The following GPHN variants were observed in gnomAD, a reference collection of about 807,000 sequenced individuals.
GPHN encodes the protein gephyrin.
GPHN carries 17 observed loss-of-function variants against 95.5 expected under a neutral mutation model. That is an observed-to-expected ratio of 0.18 (90% CI 0.12 to 0.27). GPHN has a LOEUF of 0.27. GPHN is among the 10% of genes least tolerant of loss of function. The probability of loss-of-function intolerance (pLI) is 1.00; values close to 1 mark genes in which losing one functional copy is unlikely to be tolerated. For missense variants in GPHN, 660 were observed against 978.1 expected (o/e 0.67, Z 4.34); for synonymous variants, 320 against 322.5 (o/e 0.99, Z 0.08).
Position 66,922,850 on chromosome 14 carries a change from A to G in GPHN, c.641A>G (p.Glu214Gly), listed in dbSNP as rs1474454752. ...GAAGACAAAGGAGTTCAATGTGAGG[A>G]AGAGGAAGAAGAGAAGAAAGACAGT... ...QTEDKGVQCE[E>G]EEEEKKDSGV... Residue 214 changes from glutamate (E) to glycine (G), a missense_variant, in exon 7 of 23, where the codon GAA becomes GGA. Physicochemically the swap from Glu to Gly is moderately conservative, Grantham distance 98 (BLOSUM62 -2). This residue lies in a region of GPHN where 190 missense variants were observed against 224.7 expected (regional missense o/e 0.85). Coordinates refer to ENST00000478722, the MANE Select transcript of GPHN (RefSeq NM_020806.5). 1 of 1,612,900 alleles carries G rather than the reference A, an allele frequency of 6.2e-7. No homozygotes were observed. Among genetic ancestry groups the G allele is most frequent in the Admixed American group, 1.7e-5 (1 of 59,976 alleles).
the GPHN span, chr14:67,729,693 C>G: frequency 1.1e-5 from 6 of 558,892 alleles, no homozygotes; most frequent in East Asian, 2.4e-4. Context: ...TCGTTTTTCT[C>G]CTTCTTTAAG....
At chr14:67,167,650 C>G (rs2082361914) in intron 20 of GPHN, among the ~76,000 whole-genome samples, 1 of 151,958 alleles carries the variant, frequency 6.6e-6, no homozygotes, top group Non-Finnish European at 1.5e-5. Context: ...TTTAGCCATG[C>G]CAAGGGAACC....
At chr14:67,185,957 G>T (rs141333345), downstream of GPHN, among the ~76,000 whole-genome samples, 116 of 152,180 alleles carry the variant, frequency 7.6e-4, no homozygotes, top group African/African-American at 2.7e-3. Context: ...ATAATGCATT[G>T]CATTCTGACA....
intron 13 of GPHN, among the ~76,000 whole-genome samples, chr14:67,105,402 A>G (rs1188629236): frequency 6.6e-6 from 1 of 152,108 alleles, no homozygotes; most frequent in Non-Finnish European, 1.5e-5. Flanking sequence ...TTTTCTATCT[A>G]TATGACTTGT....
intron 3 of GPHN, among the ~76,000 whole-genome samples, chr14:66,796,021 A>C (rs1326950613): frequency 6.6e-6 from 1 of 151,712 alleles, no homozygotes; most frequent in Non-Finnish European, 1.5e-5. Flanking sequence ...CCATCTTTTT[A>C]CCCTCTAACT....
Position 66,629,546 on chromosome 14 carries a change from A to T in GPHN, c.65-51561A>T, listed in dbSNP as rs1206783412. Among the ~76,000 whole-genome samples, 6 of 152,230 alleles carry T rather than the reference A, an allele frequency of 3.9e-5. No individual in the cohort carries two copies. In the East Asian group the frequency reaches 1.2e-3, roughly 29 times the overall value. ...AGTAGGGGTACACCCTAAAATAATG[A>T]TGTAAAGCATAGTATAGTAAATGCA... On this transcript the variant is annotated intron_variant, in intron 1 of 22. Transcript: ENST00000478722.
the GPHN span, among the ~76,000 whole-genome samples, chr14:67,481,211 A>C: frequency 6.6e-6 from 1 of 152,208 alleles, no homozygotes; most frequent in African/African-American, 2.4e-5. Context: ...TGAGTTCAAG[A>C]GTTTGAGGCT....
At chr14:67,089,125 C>CTTTTTTTTTT (rs1264164364) in intron 12 of GPHN, 50 bp downstream of exon 12, 21 of 329,540 alleles carry the variant, frequency 6.4e-5, no homozygotes, top group South Asian at 1.5e-4. Context: ...ATTTTTTTTT[C>CTTTTTTTTTT]TTTTTTTCTT....
At chr14:67,349,219 A>G in the GPHN span, 3 of 1,005,898 alleles carry the variant, frequency 3.0e-6, no homozygotes, top group Non-Finnish European at 4.4e-6. Context: ...ACAATTAAGT[A>G]TGTTTTGATA....
At chr14:67,601,419 C>T in the GPHN span, among the ~76,000 whole-genome samples, 829 of 152,266 alleles carry the variant, frequency 5.4e-3, 4 homozygotes, top group South Asian at 9.8e-3. Flanking sequence ...GATTTCACTG[C>T]CTGGGAGTTC....
In GPHN at chr14:67,009,056, T is replaced by C. The variant is rs17103817; in HGVS notation, c.964-14577T>C. Among the ~76,000 whole-genome samples the C allele has an allele frequency of 3.2e-3, 490 of 152,322 alleles. 4 individuals are homozygous for C. The highest frequency in any genetic ancestry group is 0.01 in the African/African-American group (425 of 41,568). On this transcript the variant is annotated intron_variant, in intron 9 of 22. Transcript: ENST00000478722. ...TTACCTCATTTACATTAACCCACTTTCTCACTGCAGTTTCCTACACTTTAT... is the reference window on the plus strand; with the variant it reads ...TTACCTCATTTACATTAACCCACTTCCTCACTGCAGTTTCCTACACTTTAT...
the GPHN span, among the ~76,000 whole-genome samples, chr14:67,250,083 C>T: frequency 2.1e-3 from 316 of 152,190 alleles, no homozygotes; most frequent in African/African-American, 7.2e-3. Flanking sequence ...GATTTTATGG[C>T]ACACAAATGG....
the GPHN span, chr14:67,659,604 AGG>A: frequency 6.3e-5 from 60 of 953,706 alleles, no homozygotes; most frequent in African/African-American, 9.9e-4. Flanking sequence ...AAAGAGGATA[AGG>A]GTGAAAAAAA....
chr14:67,600,826 G>A, the GPHN span, among the ~76,000 whole-genome samples: 2 of 152,118 alleles, frequency 1.3e-5, no homozygotes, highest in African/African-American at 4.8e-5. Flanking sequence ...TGATTCGCCC[G>A]CCTCGGCCTC....
intron 2 of GPHN, among the ~76,000 whole-genome samples, chr14:66,695,312 A>G (rs1245275702): frequency 6.6e-6 from 1 of 152,228 alleles, no homozygotes; most frequent in Non-Finnish European, 1.5e-5. Flanking sequence ...TGGAAATGCA[A>G]ATTAAAACAA....
the GPHN span, among the ~76,000 whole-genome samples, chr14:67,517,727 A>G: frequency 6.6e-6 from 1 of 152,138 alleles, no homozygotes; most frequent in Admixed American, 6.5e-5. Context: ...GTGCCTTACA[A>G]TTGACATATT....
rs79001662 is a variant in GPHN at position 66,608,272 on chromosome 14, C to G, written c.65-72835C>G. On this transcript the variant is annotated intron_variant, in intron 1 of 22. Coordinates refer to ENST00000478722, the MANE Select transcript of GPHN (RefSeq NM_020806.5). ...AACTTATTCAAGAGCAAATTCCTTC[C>G]TTTTCATGTATATGTGTAGCTTTGA... Among the ~76,000 whole-genome samples, 833 of 151,746 alleles carry G rather than the reference C, an allele frequency of 5.5e-3. 10 individuals are homozygous for G. Among genetic ancestry groups the G allele is most frequent in the Middle Eastern group, 0.02 (6 of 294 alleles).
At chr14:67,637,708 T>G in the GPHN span, among the ~76,000 whole-genome samples, 1 of 152,214 alleles carries the variant, frequency 6.6e-6, no homozygotes, top group African/African-American at 2.4e-5. Flanking sequence ...ATTTGTTGAT[T>G]CAGTTATGTA....
the GPHN span, among the ~76,000 whole-genome samples, chr14:67,716,499 A>G: frequency 8.2e-3 from 1,247 of 152,372 alleles, 12 homozygotes; most frequent in African/African-American, 0.029. Flanking sequence ...CATGACAGAA[A>G]GTGTGTGTAC....
Sources: allele counts gnomAD v4.1 joint callset (sites outside exome capture counted in the v4.1 genomes callset), GRCh38; gene constraint gnomAD v4.1.1; regional missense constraint gnomAD v4.1.1; transcripts MANE v1.5; gene names NCBI Gene and HGNC (gene_info 2026-07-23, HGNC 2026-07-21).